The following KIRREL3 variants were observed in gnomAD, a reference collection of about 807,000 sequenced individuals.
The protein encoded by KIRREL3 is kin of IRRE-like protein 3.
A neutral mutation model predicts 89.7 loss-of-function variants in KIRREL3; 36 were observed. That is an observed-to-expected ratio of 0.40 (90% CI 0.31 to 0.53). KIRREL3 has a LOEUF of 0.53. KIRREL3 is among the 20% of genes least tolerant of loss of function. The pLI, the probability that KIRREL3 is intolerant of heterozygous loss-of-function variation, is 0.49. For synonymous variants in KIRREL3, 445 were observed against 441.4 expected (o/e 1.01, Z -0.10); for missense variants, 864 against 1,056.6 (o/e 0.82, Z 2.53).
chr11:126,546,976 ATTTG>A (rs1044861719), intron 2 of KIRREL3, among the ~76,000 whole-genome samples: 19 of 150,618 alleles, frequency 1.3e-4, no homozygotes, highest in African/African-American at 3.0e-4. Flanking sequence ...TATTATTGTT[ATTTG>A]TTTGTTTGAC....
intron 1 of KIRREL3, among the ~76,000 whole-genome samples, chr11:126,947,559 G>A (rs1381872730): frequency 1.3e-5 from 2 of 152,208 alleles, no homozygotes; most frequent in East Asian, 1.9e-4. Context: ...GGAAAAGGAC[G>A]AATAGTAACT....
rs1244974867 is a variant in KIRREL3 at position 126,807,727 on chromosome 11, C to A, written c.55+192728G>T. 6.6e-6 allele frequency among the ~76,000 whole-genome samples: 1 copy of A among 152,154 alleles called. No individual in the cohort carries two copies. The highest frequency in any genetic ancestry group is 1.5e-5 in the Non-Finnish European group (1 of 68,014). On this transcript the variant is annotated intron_variant, in intron 1 of 16. Coordinates refer to ENST00000525144, the MANE Select transcript of KIRREL3 (RefSeq NM_032531.4). This position sits in a 1 kb window ranked among gnomAD's most constrained non-coding sequence, Gnocchi z 4.3. ...CCTTTAACCCATTTCTAGGAGGCTT[C>A]TGAGATTCTTCTACATGTCTACTCT...
At chr11:126,966,859 A>G (rs1054313639) in intron 1 of KIRREL3, among the ~76,000 whole-genome samples, 1 of 152,236 alleles carries the variant, frequency 6.6e-6, no homozygotes, top group African/African-American at 2.4e-5. Flanking sequence ...TTTCTGACAC[A>G]GAGCTGTCCT....
intron 1 of KIRREL3, among the ~76,000 whole-genome samples, chr11:126,675,786 AT>A (rs1214459978): frequency 3.3e-5 from 5 of 152,228 alleles, no homozygotes; most frequent in African/African-American, 1.2e-4. Context: ...AAGGGAAGTC[AT>A]TTGAAGCAGG....
chr11:126,629,692 C>A (rs1415265806), intron 1 of KIRREL3, among the ~76,000 whole-genome samples: 1 of 152,074 alleles, frequency 6.6e-6, no homozygotes, highest in African/African-American at 2.4e-5. Context: ...AGGACATGGG[C>A]GGAAATAGGA....
At chr11:126,863,580 TGA>T (rs1464878546) in intron 1 of KIRREL3, among the ~76,000 whole-genome samples, 3 of 145,466 alleles carry the variant, frequency 2.1e-5, no homozygotes, top group African/African-American at 7.8e-5. Flanking sequence ...TGACTGCGTG[TGA>T]GTGTGTGTTT....
chr11:126,624,168 G>T lies in KIRREL3; in HGVS notation c.56-61256C>A, dbSNP rs1591832007. Among the ~76,000 whole-genome samples, 1 of 152,236 alleles carries T rather than the reference G, an allele frequency of 6.6e-6. No individual in the cohort carries two copies. The highest frequency in any genetic ancestry group is 1.9e-4 in the East Asian group (1 of 5,180). On this transcript the variant is annotated intron_variant, in intron 1 of 16. Transcript: ENST00000525144. The surrounding 1 kb of genome is among the most constrained non-coding windows in gnomAD (Gnocchi z 6.0). ...ATGGCATTTTGGGTCAAGTCACTAG[G>T]AATGAAGAACTAGAATACAGGGAGC...
rs188581371 is a variant in KIRREL3, at chr11:126,663,498, T to C, written c.56-100586A>G. Among the ~76,000 whole-genome samples, 9 of 152,306 alleles carry C rather than the reference T, an allele frequency of 5.9e-5. No homozygotes were observed. In the East Asian group the frequency reaches 1.7e-3, roughly 29 times the overall value. ...TAACAAGACAAAGCTTTTGATAGTT[T>C]ATCTCCTGCAATTCCTGGTTTTCTC... On this transcript the variant is annotated intron_variant, in intron 1 of 16. Coordinates refer to ENST00000525144, the MANE Select transcript of KIRREL3 (RefSeq NM_032531.4).
In KIRREL3 at chr11:126,748,101, T is replaced by C. The variant is rs1350107919; in HGVS notation, c.56-185189A>G. Among the ~76,000 whole-genome samples, 1 of 152,208 alleles carries C rather than the reference T, an allele frequency of 6.6e-6. No individual in the cohort carries two copies. The highest frequency in any genetic ancestry group is 1.5e-5 in the Non-Finnish European group (1 of 68,026). The stretch of plus-strand genomic sequence containing the variant: ...GGAGGTTCACCTTTTAAGGTGAAAA[T>C]GGCCAGTCACTGAAAAGCTGAATTG... On this transcript the variant is annotated intron_variant, in intron 1 of 16. Coordinates refer to ENST00000525144, the MANE Select transcript of KIRREL3 (RefSeq NM_032531.4). The surrounding 1 kb of genome is among the most constrained non-coding windows in gnomAD (Gnocchi z 4.6).
chr11:126,667,348 G>T (rs1313156420), intron 1 of KIRREL3, among the ~76,000 whole-genome samples: 2 of 152,198 alleles, frequency 1.3e-5, no homozygotes. Flanking sequence ...TGCTTGCCTA[G>T]AAATGGCTGC....
rs1943809405 is a variant in KIRREL3, at chr11:126,837,159, AGT to A, written c.55+163294_55+163295del. Among the ~76,000 whole-genome samples the A allele has an allele frequency of 6.6e-6, 1 of 152,178 alleles. No homozygotes were observed. ...TCAAATCCAAGCTTGGTCTTTAACA[AGT>A]GTGTGGCCTTGGGTAAATGATAACT... On this transcript the variant is annotated intron_variant, in intron 1 of 16. Transcript: ENST00000525144. This position sits in a 1 kb window ranked among gnomAD's most constrained non-coding sequence, Gnocchi z 4.7.
Position 126,559,972 on chromosome 11 carries a change from C to T in KIRREL3, c.133+2863G>A, listed in dbSNP as rs193037768. ...TGCTGGGATTACAGGCATGAGCCAT[C>T]GTGCCTGGCTTGTGTCTTATTTTTA... On this transcript the variant is annotated intron_variant, in intron 2 of 16. Coordinates refer to ENST00000525144, the MANE Select transcript of KIRREL3 (RefSeq NM_032531.4). 1.5e-3 allele frequency among the ~76,000 whole-genome samples: 222 copies of T among 152,230 alleles called. 1 individual carries two copies. Among genetic ancestry groups the T allele is most frequent in the African/African-American group, 4.9e-3 (204 of 41,536 alleles).
chr11:126,458,283 G>A (rs1956437780), intron 6 of KIRREL3, among the ~76,000 whole-genome samples: 1 of 152,184 alleles, frequency 6.6e-6, no homozygotes, highest in Non-Finnish European at 1.5e-5. Flanking sequence ...TTTCTCAGAG[G>A]CAATGAGGAA....
intron 1 of KIRREL3, among the ~76,000 whole-genome samples, chr11:126,691,744 T>C (rs2135134245): frequency 6.6e-6 from 1 of 152,364 alleles, no homozygotes; most frequent in Non-Finnish European, 1.5e-5. Flanking sequence ...GTTGCTACTC[T>C]AGTTTTCTTG....
chr11:126,450,486 TGTGA>T (rs201064931), intron 7 of KIRREL3, among the ~76,000 whole-genome samples: 2,567 of 146,170 alleles, frequency 0.018, 59 homozygotes, highest in African/African-American at 0.051. Flanking sequence ...TGTGTGTGGG[TGTGA>T]GTGTGTGCAT....
Position 126,703,519 on chromosome 11 carries a change from A to G in KIRREL3, c.56-140607T>C, listed in dbSNP as rs1248560958. On this transcript the variant is annotated intron_variant, in intron 1 of 16. Transcript: ENST00000525144. This position sits in a 1 kb window ranked among gnomAD's most constrained non-coding sequence, Gnocchi z 4.6. Reference sequence around the variant, plus strand: ...CTGTTATATCTCATCCCCATTTTATAAGTGAGAACACTGAGGCCAAAGGAA... The same window carrying G: ...CTGTTATATCTCATCCCCATTTTATGAGTGAGAACACTGAGGCCAAAGGAA... Among the ~76,000 whole-genome samples, 1 of 152,208 alleles carries G rather than the reference A, an allele frequency of 6.6e-6. No homozygotes were observed. The highest frequency in any genetic ancestry group is 1.5e-5 in the Non-Finnish European group (1 of 68,040).
chr11:126,820,985 C>G (rs4294575), intron 1 of KIRREL3, among the ~76,000 whole-genome samples: 9 of 151,890 alleles, frequency 5.9e-5, no homozygotes, highest in Non-Finnish European at 7.4e-5. Flanking sequence ...TCTGAGATAC[C>G]ACGGGCACAC....
rs1269186416 is a variant in KIRREL3, at chr11:126,515,964, G to A, written c.433+5351C>T. Among the ~76,000 whole-genome samples the A allele has an allele frequency of 6.6e-6, 1 of 152,152 alleles. No homozygotes were observed. The highest frequency in any genetic ancestry group is 1.9e-4 in the East Asian group (1 of 5,194). ...GGCAGACTCTGAGTTATTCACCACT[G>A]TTCTCTGGACCCATCTCCCCAGAAG... On this transcript the variant is annotated intron_variant, in intron 4 of 16. Coordinates refer to ENST00000525144, the MANE Select transcript of KIRREL3 (RefSeq NM_032531.4). This position sits in a 1 kb window ranked among gnomAD's most constrained non-coding sequence, Gnocchi z 4.2.
intron 1 of KIRREL3, among the ~76,000 whole-genome samples, chr11:126,713,930 A>C (rs888429428): frequency 8.5e-5 from 13 of 152,232 alleles, no homozygotes; most frequent in Non-Finnish European, 1.9e-4. Flanking sequence ...TAGATAGGGC[A>C]GGTCAGCTAA....
Sources: allele counts gnomAD v4.1 joint callset (sites outside exome capture counted in the v4.1 genomes callset), GRCh38; gene constraint gnomAD v4.1.1; non-coding constraint Gnocchi (gnomAD v3.1); transcripts MANE v1.5; gene names NCBI Gene and HGNC (gene_info 2026-07-23, HGNC 2026-07-21).